Variants in ANO2 observed in about 807,000 individuals in gnomAD.
The protein encoded by ANO2 is anoctamin 2, also known as anoctamin-2.
A neutral mutation model predicts 124.2 loss-of-function variants in ANO2; 101 were observed. The ratio of observed to expected loss-of-function variants is 0.81; its 90% CI spans 0.69 to 0.96. The LOEUF (loss-of-function observed/expected upper bound fraction) is 0.96. Ranked by LOEUF, ANO2 falls within the 40% of genes least tolerant of loss-of-function variation. ANO2 has a pLI of 0.00. For synonymous variants in ANO2, 486 were observed against 482.5 expected (o/e 1.01, Z -0.09); for missense variants, 1,293 against 1,274.5 (o/e 1.01, Z -0.22).
At chr12:5,854,309 T>C (rs1955022425) in intron 3 of ANO2, among the ~76,000 whole-genome samples, 168 bp from the exon 4 acceptor site, 1 of 150,366 alleles carries the variant, frequency 6.7e-6, no homozygotes, top group Admixed American at 6.7e-5. Context: ...CTGTACCCAG[T>C]TCATCAGTCT....
chr12:5,932,989 C>T (rs76703739), intron 1 of ANO2, among the ~76,000 whole-genome samples: 4,013 of 152,268 alleles, frequency 0.026, 123 homozygotes, highest in African/African-American at 0.078. Flanking sequence ...CAATGGGCCT[C>T]GGGCCTGGCT....
chr12:5,676,880 C>T (rs1565555448), intron 14 of ANO2, among the ~76,000 whole-genome samples: 1 of 151,982 alleles, frequency 6.6e-6, no homozygotes, highest in African/African-American at 2.4e-5. Flanking sequence ...ACGGTGAAAC[C>T]CTGTCTCTAC....
chr12:5,746,274 A>G (rs1951263910), intron 11 of ANO2, among the ~76,000 whole-genome samples: 1 of 152,206 alleles, frequency 6.6e-6, no homozygotes, highest in Non-Finnish European at 1.5e-5. Context: ...TTTAAATTAG[A>G]GTGCAGGCAA....
intron 19 of ANO2, among the ~76,000 whole-genome samples, chr12:5,603,716 C>T (rs553276074): frequency 6.6e-6 from 1 of 151,946 alleles, no homozygotes; most frequent in Admixed American, 6.6e-5. Flanking sequence ...GAAGCCGAGG[C>T]GGGCAGATCA....
intron 14 of ANO2, among the ~76,000 whole-genome samples, chr12:5,692,196 A>T (rs987350473): frequency 5.3e-5 from 8 of 152,144 alleles, no homozygotes; most frequent in African/African-American, 1.9e-4. Flanking sequence ...GTATGAACAG[A>T]GTGAAAGATG....
intron 20 of ANO2, among the ~76,000 whole-genome samples, chr12:5,579,397 A>T (rs1466987243): frequency 3.9e-5 from 6 of 152,216 alleles, no homozygotes; most frequent in Admixed American, 3.9e-4. Context: ...GTCCCTCAGC[A>T]CAGTCTGGAA....
intron 10 of ANO2, among the ~76,000 whole-genome samples, chr12:5,756,255 A>G (rs1406616414): frequency 1.3e-5 from 2 of 151,860 alleles, no homozygotes; most frequent in African/African-American, 2.4e-5. Flanking sequence ...TTTTGTTGAC[A>G]TGTTATACTC....
intron 7 of ANO2, among the ~76,000 whole-genome samples, chr12:5,827,051 G>T (rs959660895): frequency 1.3e-5 from 2 of 152,150 alleles, no homozygotes; most frequent in African/African-American, 4.8e-5. Context: ...GTGTTTGTGC[G>T]TGACTTTTTG....
At chr12:5,884,496 A>G (rs1645871451) in intron 3 of ANO2, among the ~76,000 whole-genome samples, 1 of 152,260 alleles carries the variant, frequency 6.6e-6, no homozygotes, top group African/African-American at 2.4e-5. Flanking sequence ...AGGATTTGAT[A>G]GGGCCCCATG....
At chr12:5,934,760 G>C (rs934270770) in intron 1 of ANO2, among the ~76,000 whole-genome samples, 1 of 152,030 alleles carries the variant, frequency 6.6e-6, no homozygotes, top group Admixed American at 6.6e-5. Context: ...TGACATCCTG[G>C]GTATATTCAA....
intron 14 of ANO2, among the ~76,000 whole-genome samples, chr12:5,710,541 T>C (rs957573927): frequency 2.6e-5 from 4 of 152,242 alleles, no homozygotes; most frequent in Admixed American, 2.6e-4. Flanking sequence ...TCTTGCCAAA[T>C]GCTTTTCACA....
intron 19 of ANO2, among the ~76,000 whole-genome samples, chr12:5,603,781 T>C (rs1005286247): frequency 1.3e-5 from 2 of 151,644 alleles, no homozygotes; most frequent in Non-Finnish European, 2.9e-5. Context: ...CCGCCTCTAC[T>C]AAAAATACAA....
intron 14 of ANO2, among the ~76,000 whole-genome samples, chr12:5,672,171 G>T (rs1948041134): frequency 6.6e-6 from 1 of 152,084 alleles, no homozygotes; most frequent in African/African-American, 2.4e-5. Context: ...CACTGCCAAG[G>T]TTTTTCACAG....
Position 5,932,712 on chromosome 12 carries a change from A to C in ANO2, c.23-9908T>G, listed in dbSNP as rs990307165. Among the ~76,000 whole-genome samples, 5 of 152,278 alleles carry C rather than the reference A, an allele frequency of 3.3e-5. No individual in the cohort carries two copies. In the East Asian group the frequency reaches 9.7e-4, roughly 29 times the overall value. On this transcript the variant is annotated intron_variant, in intron 1 of 24. Coordinates refer to ENST00000682330, the MANE Select transcript of ANO2 (RefSeq NM_001364791.2). ...AAGGAAGGTAGACTAGAGAGGAAGG[A>C]AAGTAGACCAGTGAGGAAGGAAAGT...
chr12:5,773,860 C>T (rs1259650897), intron 10 of ANO2, among the ~76,000 whole-genome samples: 1 of 152,204 alleles, frequency 6.6e-6, no homozygotes, highest in Non-Finnish European at 1.5e-5. Flanking sequence ...AACTGTCATA[C>T]AATGGCCCTG....
At chr12:5,830,732 A>G (rs1330644159) in intron 5 of ANO2, among the ~76,000 whole-genome samples, 1 of 152,358 alleles carries the variant, frequency 6.6e-6, no homozygotes, top group South Asian at 2.1e-4. Flanking sequence ...TGCTTATTGA[A>G]AAGGTATTTA....
chr12:5,576,745 T>C (rs190080446), intron 22 of ANO2, among the ~76,000 whole-genome samples: 1 of 152,372 alleles, frequency 6.6e-6, no homozygotes, highest in African/African-American at 2.4e-5. Flanking sequence ...TAAATCTTTT[T>C]GGCAGGTGTT....
chr12:5,596,728 T>C (rs1943678350), intron 20 of ANO2, among the ~76,000 whole-genome samples: 1 of 152,178 alleles, frequency 6.6e-6, no homozygotes, highest in Non-Finnish European at 1.5e-5. Flanking sequence ...GGCATGGCCC[T>C]GACAAAGTAG....
At chr12:5,918,438 CTT>C (rs59787191) in intron 3 of ANO2, among the ~76,000 whole-genome samples, 2,191 of 118,898 alleles carry the variant, frequency 0.018, 29 homozygotes, top group African/African-American at 0.049. Context: ...TAACTTGAAT[CTT>C]TTTTTTTTTT....
Sources: allele counts gnomAD v4.1 joint callset (sites outside exome capture counted in the v4.1 genomes callset), GRCh38; gene constraint gnomAD v4.1.1; transcripts MANE v1.5; gene names NCBI Gene and HGNC (gene_info 2026-07-23, HGNC 2026-07-21).